IL1RAPL1: variants seen among roughly 807,000 people sequenced by gnomAD.
IL1RAPL1 encodes interleukin-1 receptor accessory protein-like 1.
Under a neutral mutation model 48.4 loss-of-function variants are expected in IL1RAPL1, and 3 were observed. The observed-to-expected ratio is 0.06, with a 90% CI of 0.03 to 0.16. The LOEUF (loss-of-function observed/expected upper bound fraction) is 0.16, where lower values mean the gene tolerates loss of function less well. IL1RAPL1 is among the 10% of genes least tolerant of loss of function. The pLI is 1.00. For missense variants in IL1RAPL1, 349 were observed against 530.6 expected, an observed-to-expected ratio of 0.66 and a Z score of 3.36; for synonymous variants, 185 against 187.7, an observed-to-expected ratio of 0.99 and a Z score of 0.12.
intron 2 of IL1RAPL1, among the ~76,000 whole-genome samples, chrX:29,118,623 T>C (rs1207214445): frequency 8.9e-6 from 1 of 111,803 alleles, no homozygotes; most frequent in Non-Finnish European, 1.9e-5. Flanking sequence ...GAAATGGTCA[T>C]GTAAGCCAAG....
chrX:28,713,154 C>T (rs368262981), intron 1 of IL1RAPL1, among the ~76,000 whole-genome samples: 7 of 110,433 alleles, frequency 6.3e-5, no homozygotes, highest in Non-Finnish European at 7.6e-5. Context: ...CATTGGTTCA[C>T]GCCATTCTCC....
At chrX:29,350,261 C>G (rs749972960) in intron 3 of IL1RAPL1, among the ~76,000 whole-genome samples, 6 of 84,220 alleles carry the variant, frequency 7.1e-5, no homozygotes, top group South Asian at 6.5e-4. Flanking sequence ...CACCCCCCCC[C>G]CCACCTGGCT....
intron 3 of IL1RAPL1, among the ~76,000 whole-genome samples, chrX:29,326,722 C>A (rs7054345): frequency 0.047 from 5,285 of 111,441 alleles, 277 homozygotes; most frequent in African/African-American, 0.15. Flanking sequence ...TTTTCTCATT[C>A]GCACAATGAC....
chrX:29,791,739 T>C (rs751324064), intron 6 of IL1RAPL1, among the ~76,000 whole-genome samples: 3,374 of 101,026 alleles, frequency 0.033, 151 homozygotes, highest in African/African-American at 0.12. Flanking sequence ...TTTTTTTTTT[T>C]TTTTTCTTTT....
At chrX:29,388,437 C>A (rs1043183265) in intron 3 of IL1RAPL1, among the ~76,000 whole-genome samples, 1 of 111,475 alleles carries the variant, frequency 9.0e-6, no homozygotes, top group African/African-American at 3.3e-5. Context: ...AGATATATAC[C>A]GAAAAGAATT....
intron 6 of IL1RAPL1, among the ~76,000 whole-genome samples, chrX:29,687,390 A>G (rs1190713079): frequency 3.6e-5 from 4 of 112,218 alleles, no homozygotes; most frequent in Non-Finnish European, 7.5e-5. Flanking sequence ...TAAGTGAAAT[A>G]AGCCAGGCAC....
chrX:29,298,525 A>G (rs1932482771), intron 3 of IL1RAPL1, among the ~76,000 whole-genome samples: 1 of 112,124 alleles, frequency 8.9e-6, no homozygotes, highest in Non-Finnish European at 1.9e-5. Context: ...CTGAAATCTC[A>G]GAATAGCATT....
intron 1 of IL1RAPL1, among the ~76,000 whole-genome samples, chrX:28,712,016 G>A (rs1251447024): frequency 1.8e-5 from 2 of 111,062 alleles, no homozygotes; most frequent in African/African-American, 6.5e-5. Context: ...AAAGAGGCAG[G>A]TACCTGCAGG....
chrX:29,031,500 A>G (rs746665713), intron 2 of IL1RAPL1, among the ~76,000 whole-genome samples: 9 of 112,080 alleles, frequency 8.0e-5, no homozygotes, highest in African/African-American at 2.9e-4. Context: ...TTAGGCTTTT[A>G]GTAAAAACAA....
intron 1 of IL1RAPL1, among the ~76,000 whole-genome samples, chrX:28,694,170 C>G (rs948132949): frequency 9.9e-5 from 11 of 111,670 alleles, no homozygotes; most frequent in Non-Finnish European, 2.1e-4. Flanking sequence ...AACATTCTTC[C>G]TAGTTTCACT....
chrX:29,954,789 C>A, intron 10 of IL1RAPL1, 97 bp downstream of exon 10: 1 of 762,374 alleles, frequency 1.3e-6, no homozygotes, highest in Non-Finnish European at 2.0e-6. Context: ...TTCTTTACTT[C>A]AAAATTTGTA....
intron 1 of IL1RAPL1, among the ~76,000 whole-genome samples, chrX:28,760,424 T>A (rs999568510): frequency 3.6e-5 from 4 of 111,778 alleles, no homozygotes; most frequent in Non-Finnish European, 7.5e-5. Context: ...GTCTTAGCTG[T>A]AGAACATTTT....
At chrX:28,692,420 C>G in intron 1 of IL1RAPL1, among the ~76,000 whole-genome samples, 1 of 111,699 alleles carries the variant, frequency 9.0e-6, no homozygotes, top group Non-Finnish European at 1.9e-5. Flanking sequence ...TTGCCACTTG[C>G]TTGTTTTGCA....
intron 6 of IL1RAPL1, among the ~76,000 whole-genome samples, chrX:29,718,603 TA>T (rs11438049): frequency 0.012 from 945 of 80,316 alleles, 6 homozygotes; most frequent in African/African-American, 0.016. Context: ...GCTAAAGTAT[TA>T]AAAAAAAAAA....
At chrX:29,603,097 C>T (rs1161237736) in intron 5 of IL1RAPL1, among the ~76,000 whole-genome samples, 6 of 109,609 alleles carry the variant, frequency 5.5e-5, no homozygotes, top group South Asian at 3.9e-4. Flanking sequence ...GAAACCCTGT[C>T]GCTATTAAAA....
At chrX:29,541,733 T>C (rs889864868) in intron 5 of IL1RAPL1, among the ~76,000 whole-genome samples, 2 of 110,747 alleles carry the variant, frequency 1.8e-5, no homozygotes, top group Non-Finnish European at 3.8e-5. Flanking sequence ...GAGCTAACCA[T>C]TGGATACTTA....
At chrX:29,537,539 A>T (rs1036405278) in intron 5 of IL1RAPL1, among the ~76,000 whole-genome samples, 1 of 109,200 alleles carries the variant, frequency 9.2e-6, no homozygotes, top group Non-Finnish European at 1.9e-5. Flanking sequence ...GAGTAAAAGG[A>T]CTACCTGATG....
chrX:29,138,613 A>T (rs1394764461), intron 2 of IL1RAPL1, among the ~76,000 whole-genome samples: 1 of 22,447 alleles, frequency 4.5e-5, no homozygotes, highest in African/African-American at 1.2e-4. Context: ...ACTAAAAATT[A>T]AAAAAAAAAA....
chrX:29,553,018 C>A (rs904549824), intron 5 of IL1RAPL1, among the ~76,000 whole-genome samples: 10 of 110,160 alleles, frequency 9.1e-5, no homozygotes, highest in Non-Finnish European at 1.9e-4. Context: ...TTGAATCTTG[C>A]CTACTTTTTC....
Sources: allele counts gnomAD v4.1 joint callset (sites outside exome capture counted in the v4.1 genomes callset), GRCh38; gene constraint gnomAD v4.1.1; transcripts MANE v1.5; gene names NCBI Gene and HGNC (gene_info 2026-07-23, HGNC 2026-07-21).